The following NAALADL2 variants were observed in gnomAD, a reference collection of about 807,000 sequenced individuals.
NAALADL2 encodes N-acetylated alpha-linked acidic dipeptidase like 2, also known as inactive N-acetylated-alpha-linked acidic dipeptidase-like protein 2.
A neutral mutation model predicts 87.2 loss-of-function variants in NAALADL2; 76 were observed. The ratio of observed to expected loss-of-function variants is 0.87; its 90% CI spans 0.72 to 1.05. The LOEUF (loss-of-function observed/expected upper bound fraction) is 1.05. Among genes scored for constraint, NAALADL2 ranks in the 50% least tolerant of loss-of-function variants. The pLI is 0.00. For missense variants in NAALADL2, 1,089 were observed against 945.8 expected, an observed-to-expected ratio of 1.15 and a Z score of -1.99; for synonymous variants, 354 against 331.0, an observed-to-expected ratio of 1.07 and a Z score of -0.75.
intron 2 of NAALADL2, among the ~76,000 whole-genome samples, chr3:175,129,892 C>G (rs1433362773): frequency 6.6e-6 from 1 of 152,122 alleles, no homozygotes; most frequent in Non-Finnish European, 1.5e-5. Context: ...TGAGGAACTT[C>G]TGTACTGTTT....
chr3:174,524,164 C>T (rs928594484), intron 1 of NAALADL2, among the ~76,000 whole-genome samples: 15 of 152,098 alleles, frequency 9.9e-5, no homozygotes, highest in Admixed American at 9.8e-4. Flanking sequence ...TATAATTTAG[C>T]TACATTAAAG....
chr3:174,757,283 G>A (rs1165872914), intron 3 of NAALADL2, among the ~76,000 whole-genome samples: 1 of 152,176 alleles, frequency 6.6e-6, no homozygotes, highest in Non-Finnish European at 1.5e-5. Flanking sequence ...GGTGGTAGCA[G>A]TGAGACTAAG....
intron 2 of NAALADL2, among the ~76,000 whole-genome samples, chr3:174,618,184 A>G (rs752764642): frequency 7.8e-4 from 119 of 151,806 alleles, no homozygotes; most frequent in Non-Finnish European, 1.4e-3. Flanking sequence ...ACAAAATGAT[A>G]ACCAGAGGTC....
intron 13 of NAALADL2, among the ~76,000 whole-genome samples, chr3:175,765,305 T>C (rs1319623174): frequency 6.6e-6 from 1 of 152,140 alleles, no homozygotes; most frequent in Non-Finnish European, 1.5e-5. Context: ...TTTATAATTA[T>C]GTGTCCCTTT....
At position 175,091,213 on chromosome 3, in the gene NAALADL2, A is replaced by G. The variant is rs1011597662; in HGVS notation, c.44-5577A>G. Among the ~76,000 whole-genome samples the G allele has an allele frequency of 7.9e-5, 12 of 152,202 alleles. No individual in the cohort carries two copies. The East Asian group carries it at 1.4e-3, about 17-fold the overall frequency. On this transcript the variant is annotated intron_variant, in intron 1 of 13. Coordinates refer to ENST00000454872, the MANE Select transcript of NAALADL2 (RefSeq NM_207015.3). ...CTTAAACTTAGATTTAAAAATTCCTATGGGTACTATGTAGTTCACTGTTGC... is the reference window on the plus strand; with the variant it reads ...CTTAAACTTAGATTTAAAAATTCCTGTGGGTACTATGTAGTTCACTGTTGC...
In NAALADL2 at chr3:174,859,856, T is replaced by C. The variant is rs180881049; in HGVS notation, c.43+406T>C. Among the ~76,000 whole-genome samples the C allele has an allele frequency of 1.8e-3, 269 of 152,228 alleles. 1 individual carries two copies. Among genetic ancestry groups the C allele is most frequent in the African/African-American group, 6.3e-3 (260 of 41,564 alleles). The stretch of plus-strand genomic sequence containing the variant: ...TGTGGAGTGTTTATTGGTAATTAAG[T>C]TTTGCCATCTCTGGAGTTTACCAGC... On this transcript the variant is annotated intron_variant, in intron 1 of 13. Transcript: ENST00000454872.
At chr3:175,054,627 A>C (rs1166232722) in intron 1 of NAALADL2, among the ~76,000 whole-genome samples, 1 of 152,192 alleles carries the variant, frequency 6.6e-6, no homozygotes, top group Non-Finnish European at 1.5e-5. Flanking sequence ...TTCTATCCAA[A>C]TTGGCTTATC....
chr3:175,096,732 G>A (rs911784911), intron 1 of NAALADL2, 58 bp from the exon 2 acceptor site: 6 of 1,176,006 alleles, frequency 5.1e-6, no homozygotes, highest in Non-Finnish European at 6.9e-6. Context: ...TTTTCACTTT[G>A]TTAGTTTTTT....
intron 5 of NAALADL2, among the ~76,000 whole-genome samples, chr3:175,427,548 A>G (rs1478524053): frequency 6.6e-6 from 1 of 152,188 alleles, no homozygotes; most frequent in East Asian, 1.9e-4. Flanking sequence ...ACATTTTGCC[A>G]AATTTTCTGG....
At chr3:175,744,002 A>G (rs978609985) in intron 12 of NAALADL2, among the ~76,000 whole-genome samples, 1 of 152,210 alleles carries the variant, frequency 6.6e-6, no homozygotes, top group Non-Finnish European at 1.5e-5. Context: ...ACCTCACATT[A>G]TTCTTCTAGG....
intron 2 of NAALADL2, among the ~76,000 whole-genome samples, chr3:175,118,640 A>C (rs1725660921): frequency 6.6e-6 from 1 of 151,710 alleles, no homozygotes; most frequent in Admixed American, 6.6e-5. Context: ...TAATGTCTAA[A>C]TCAAAGTTTC....
At chr3:175,100,000 C>A (rs1721847800) in intron 2 of NAALADL2, among the ~76,000 whole-genome samples, 1 of 150,416 alleles carries the variant, frequency 6.6e-6, no homozygotes, top group Non-Finnish European at 1.5e-5. Context: ...ACAATTTATA[C>A]AAAATATTAT....
chr3:174,740,486 A>G (rs904178557), intron 3 of NAALADL2, among the ~76,000 whole-genome samples: 4 of 151,946 alleles, frequency 2.6e-5, no homozygotes, highest in African/African-American at 9.7e-5. Flanking sequence ...CATTGTTTTT[A>G]ATAATCCAGA....
At position 175,493,189 on chromosome 3, in the gene NAALADL2, A is replaced by G. The variant is rs576752485; in HGVS notation, c.1653+21431A>G. 8.5e-5 allele frequency among the ~76,000 whole-genome samples: 13 copies of G among 152,130 alleles called. No homozygotes were observed. In the East Asian group the frequency reaches 2.5e-3, roughly 29 times the overall value. The stretch of plus-strand genomic sequence containing the variant: ...TGGAGTTTTTGATGGTTTTCTTCTT[A>G]TTTCACACTTTCCTCTATTTTCTGA... On this transcript the variant is annotated intron_variant, in intron 9 of 13. Transcript: ENST00000454872.
intron 6 of NAALADL2, among the ~76,000 whole-genome samples, chr3:175,460,893 C>T (rs943363211): frequency 4.6e-5 from 7 of 152,200 alleles, no homozygotes; most frequent in African/African-American, 1.7e-4. Context: ...AAAGCTTCCA[C>T]AGTGTGGAAA....
At chr3:175,402,074 A>C (rs1228419081) in intron 5 of NAALADL2, among the ~76,000 whole-genome samples, 1 of 152,048 alleles carries the variant, frequency 6.6e-6, no homozygotes, top group Non-Finnish European at 1.5e-5. Flanking sequence ...GATTGATATG[A>C]ATTAATAGGT....
intron 2 of NAALADL2, among the ~76,000 whole-genome samples, chr3:175,223,741 G>A (rs1313626197): frequency 1.3e-5 from 2 of 152,080 alleles, no homozygotes; most frequent in Admixed American, 6.6e-5. Flanking sequence ...ATGTCAAATA[G>A]GAGCTTTATA....
At chr3:175,004,423 A>G (rs1415428593) in intron 1 of NAALADL2, among the ~76,000 whole-genome samples, 1 of 146,530 alleles carries the variant, frequency 6.8e-6, no homozygotes, top group Non-Finnish European at 1.5e-5. Flanking sequence ...ACAGTATCAT[A>G]GGTAGAGACT....
intron 1 of NAALADL2, among the ~76,000 whole-genome samples, chr3:175,085,599 T>C (rs1433469420): frequency 6.6e-6 from 1 of 152,156 alleles, no homozygotes; most frequent in Non-Finnish European, 1.5e-5. Flanking sequence ...AGACAACGGA[T>C]ACATTTTGGT....
Sources: gnomAD v4.1 joint callset for allele counts (sites outside exome capture counted in the v4.1 genomes callset) on GRCh38, gnomAD v4.1.1 for gene constraint, MANE v1.5 for transcripts, NCBI Gene and HGNC (gene_info 2026-07-23, HGNC 2026-07-21) for gene names.